KLHL1: variants seen among roughly 807,000 people sequenced by gnomAD.
KLHL1 encodes kelch like family member 1, also known as kelch-like protein 1.
Under a neutral mutation model 77.7 loss-of-function variants are expected in KLHL1, and 47 were observed. The ratio of observed to expected loss-of-function variants is 0.60; its 90% CI spans 0.48 to 0.77. The LOEUF is 0.77. Ranked by LOEUF, KLHL1 falls within the 30% of genes least tolerant of loss-of-function variation. The pLI, the probability that KLHL1 is intolerant of heterozygous loss-of-function variation, is 0.00. For synonymous variants in KLHL1, 360 were observed against 325.2 expected (o/e 1.11, Z -1.15); for missense variants, 925 against 910.8 (o/e 1.02, Z -0.20).
In KLHL1 at chr13:70,050,114, A is replaced by G. The variant is rs937434127; in HGVS notation, c.497+57089T>C. 3.9e-5 allele frequency among the ~76,000 whole-genome samples: 6 copies of G among 152,062 alleles called. No homozygotes were observed. The East Asian group carries it at 9.6e-4, about 24-fold the overall frequency. ...TTATTTAAATTGAGCAGATGACACT[A>G]TAAAAAACAAACAGCCTCTAATTTT... On this transcript the variant is annotated intron_variant, in intron 1 of 10. Transcript: ENST00000377844.
chr13:70,102,717 T>C (rs149470334), intron 1 of KLHL1, among the ~76,000 whole-genome samples: 5 of 152,322 alleles, frequency 3.3e-5, no homozygotes, highest in Admixed American at 2.6e-4. Context: ...AGTCTTCTTA[T>C]CTATGTAATC....
chr13:70,073,087 G>A (rs1002794968), intron 1 of KLHL1, among the ~76,000 whole-genome samples: 3 of 152,082 alleles, frequency 2.0e-5, no homozygotes, highest in Non-Finnish European at 2.9e-5. Flanking sequence ...TATAAATCAT[G>A]CTGCTATAAA....
intron 4 of KLHL1, among the ~76,000 whole-genome samples, chr13:69,923,021 T>C (rs1334598949): frequency 6.6e-6 from 1 of 152,134 alleles, no homozygotes; most frequent in Non-Finnish European, 1.5e-5. Context: ...TTTAAAGAAT[T>C]AGGTGGGAGG....
At chr13:69,905,970 T>A (rs1033590857) in intron 4 of KLHL1, among the ~76,000 whole-genome samples, 1 of 152,088 alleles carries the variant, frequency 6.6e-6, no homozygotes, top group Non-Finnish European at 1.5e-5. Context: ...TTTAACATGA[T>A]GACCATGCTA....
intron 6 of KLHL1, among the ~76,000 whole-genome samples, chr13:69,826,709 T>A (rs1878564366): frequency 6.6e-6 from 1 of 152,158 alleles, no homozygotes; most frequent in Non-Finnish European, 1.5e-5. Flanking sequence ...ATTCAAAGTA[T>A]CATGTTTTAA....
At chr13:69,787,197 G>A (rs1358581295) in intron 7 of KLHL1, among the ~76,000 whole-genome samples, 2 of 152,090 alleles carry the variant, frequency 1.3e-5, no homozygotes, top group African/African-American at 2.4e-5. Flanking sequence ...AGCCCTCATT[G>A]CCAAGTCAAT....
chr13:70,070,436 A>T (rs758671653), intron 1 of KLHL1, among the ~76,000 whole-genome samples: 68 of 152,052 alleles, frequency 4.5e-4, no homozygotes, highest in Admixed American at 8.5e-4. Context: ...ATGCAGGCAA[A>T]AAGAGAGTGG....
chr13:70,072,686 A>G (rs185203162), intron 1 of KLHL1, among the ~76,000 whole-genome samples: 3 of 151,490 alleles, frequency 2.0e-5, no homozygotes, highest in East Asian at 3.9e-4. Flanking sequence ...CAAACTGAAG[A>G]AAAAAAAAGG....
intron 7 of KLHL1, among the ~76,000 whole-genome samples, chr13:69,752,734 T>C (rs1874540639): frequency 6.6e-6 from 1 of 152,110 alleles, no homozygotes. Flanking sequence ...TTGACAACCA[T>C]AGATGCAAGT....
chr13:69,983,801 C>T (rs1001952034), intron 1 of KLHL1, among the ~76,000 whole-genome samples: 2 of 151,732 alleles, frequency 1.3e-5, no homozygotes, highest in Admixed American at 6.6e-5. Context: ...TATACTACAA[C>T]GCAATATTAA....
intron 7 of KLHL1, among the ~76,000 whole-genome samples, chr13:69,779,798 ATTTATTTTATTTTAT>A (rs1406841366): frequency 1.3e-5 from 2 of 151,704 alleles, no homozygotes; most frequent in Admixed American, 1.3e-4. Context: ...TTTATTTTTT[ATTTATTTTATTTTAT>A]TTTATTTTAT....
chr13:69,818,938 A>C (rs185904891), intron 6 of KLHL1, among the ~76,000 whole-genome samples: 21 of 152,298 alleles, frequency 1.4e-4, no homozygotes, highest in Middle Eastern at 3.4e-3. Context: ...ACAGTATTTT[A>C]ATGTTATTTC....
At chr13:69,761,995 A>G (rs1431726167) in intron 7 of KLHL1, among the ~76,000 whole-genome samples, 1 of 152,160 alleles carries the variant, frequency 6.6e-6, no homozygotes, top group Non-Finnish European at 1.5e-5. Flanking sequence ...TTCTATTACC[A>G]TTTGATCGTT....
intron 6 of KLHL1, among the ~76,000 whole-genome samples, chr13:69,820,023 C>G (rs983160194): frequency 3.9e-5 from 6 of 152,042 alleles, no homozygotes; most frequent in Non-Finnish European, 7.4e-5. Flanking sequence ...GAGAGCAGTC[C>G]CTCTAAGAAT....
chr13:69,715,164 C>T (rs1876061336), intron 9 of KLHL1, among the ~76,000 whole-genome samples: 6 of 152,132 alleles, frequency 3.9e-5, no homozygotes, highest in Admixed American at 3.9e-4. Flanking sequence ...GAAAGCAGGG[C>T]TCCTAAATAC....
intron 5 of KLHL1, among the ~76,000 whole-genome samples, chr13:69,871,439 G>T (rs1322507880): frequency 6.6e-6 from 1 of 152,094 alleles, no homozygotes; most frequent in African/African-American, 2.4e-5. Flanking sequence ...TCTAGTAAGC[G>T]ATTGCTCCAC....
intron 5 of KLHL1, among the ~76,000 whole-genome samples, chr13:69,876,011 G>T (rs940550019): frequency 1.3e-5 from 2 of 152,032 alleles, no homozygotes; most frequent in Admixed American, 1.3e-4. Flanking sequence ...GTGTTAGTGG[G>T]CTTGATTAAT....
chr13:70,079,063 A>G (rs1887331389), intron 1 of KLHL1, among the ~76,000 whole-genome samples: 2 of 152,192 alleles, frequency 1.3e-5, no homozygotes, highest in Non-Finnish European at 2.9e-5. Context: ...GGAGTGCTTC[A>G]GAGTATTTGA....
At chr13:69,806,202 A>T (rs1877609746) in intron 6 of KLHL1, among the ~76,000 whole-genome samples, 1 of 152,230 alleles carries the variant, frequency 6.6e-6, no homozygotes, top group Non-Finnish European at 1.5e-5. Flanking sequence ...CTTACTCCTT[A>T]TACCAGAATG....
Sources: allele counts gnomAD v4.1 joint callset (sites outside exome capture counted in the v4.1 genomes callset), GRCh38; gene constraint gnomAD v4.1.1; transcripts MANE v1.5; gene names NCBI Gene and HGNC (gene_info 2026-07-23, HGNC 2026-07-21).